KCNN3: variants seen among roughly 807,000 people sequenced by gnomAD.
KCNN3 encodes the protein small conductance calcium-activated potassium channel protein 3.
In KCNN3, 16 loss-of-function variants were observed where a neutral mutation model predicts 62.9. That is an observed-to-expected ratio of 0.25 (90% CI 0.17 to 0.39). The LOEUF (loss-of-function observed/expected upper bound fraction) is 0.39. Ranked by LOEUF, KCNN3 falls within the 10% of genes least tolerant of loss-of-function variation. KCNN3 has a pLI of 1.00. For synonymous variants in KCNN3, 370 were observed against 389.2 expected, an observed-to-expected ratio of 0.95 and a Z score of 0.58; for missense variants, 599 against 949.4, an observed-to-expected ratio of 0.63 and a Z score of 4.85.
intron 4 of KCNN3, among the ~76,000 whole-genome samples, chr1:154,731,827 C>T (rs946186232): frequency 1.3e-5 from 2 of 152,104 alleles, no homozygotes; most frequent in African/African-American, 2.4e-5. Flanking sequence ...CTTCTCACCC[C>T]GCCACCTCCC....
At chr1:154,825,489 C>T (rs1557994875) in intron 1 of KCNN3, among the ~76,000 whole-genome samples, 1 of 151,204 alleles carries the variant, frequency 6.6e-6, no homozygotes, top group Non-Finnish European at 1.5e-5. Context: ...CCTCAGTCTC[C>T]CCAGCAGCTG....
chr1:154,774,996 A>G lies in KCNN3; in HGVS notation c.1030-2603T>C, dbSNP rs796200869. The stretch of plus-strand genomic sequence containing the variant: ...ACCCTCAGCACAGAAAGCGTAACAG[A>G]GAGACTGGATCAGCGTGGATTTGCG... On this transcript the variant is annotated intron_variant, in intron 2 of 7. Transcript: ENST00000271915. Among the ~76,000 whole-genome samples, 11 of 152,402 alleles carry G rather than the reference A, an allele frequency of 7.2e-5. 2 individuals carry two copies. The highest frequency in any genetic ancestry group is 2.6e-4 in the African/African-American group (11 of 41,602).
intron 2 of KCNN3, among the ~76,000 whole-genome samples, chr1:154,791,137 G>T (rs113920303): frequency 0.23 from 34,014 of 150,288 alleles, 4,778 homozygotes; most frequent in Middle Eastern, 0.32. Context: ...GCTGAGGCAG[G>T]AGAATCACTT....
chr1:154,853,204 G>C (rs533732538), intron 1 of KCNN3, among the ~76,000 whole-genome samples: 2 of 151,916 alleles, frequency 1.3e-5, no homozygotes, highest in Non-Finnish European at 2.9e-5. Context: ...GTCCTGGCTG[G>C]TCTCAAACTC....
chr1:154,847,805 C>T (rs1187997636), intron 1 of KCNN3, among the ~76,000 whole-genome samples: 3 of 152,190 alleles, frequency 2.0e-5, no homozygotes, highest in Non-Finnish European at 2.9e-5. Context: ...ATGACACCTG[C>T]GTAATTACAC....
intron 5 of KCNN3, among the ~76,000 whole-genome samples, chr1:154,724,061 C>T (rs1376079993): frequency 6.6e-6 from 1 of 152,218 alleles, no homozygotes. Context: ...AGTACAAACA[C>T]TTGAATGTCA....
intron 2 of KCNN3, among the ~76,000 whole-genome samples, chr1:154,798,496 C>A (rs1377563514): frequency 6.6e-6 from 1 of 152,256 alleles, no homozygotes; most frequent in Non-Finnish European, 1.5e-5. Flanking sequence ...GGCCTCTTAT[C>A]TCTGACTATT....
chr1:154,732,955 T>C, intron 4 of KCNN3, 48 bp downstream of exon 4: 1 of 1,611,362 alleles, frequency 6.2e-7, no homozygotes, highest in Non-Finnish European at 8.5e-7. Flanking sequence ...AGAGTTCAGC[T>C]CTTTGCCACA....
rs141639267 is a variant in KCNN3, at chr1:154,861,456, C to T, written c.933+7576G>A. ...GAGACAGTCTCCTCTTTCCTCCCTA[C>T]ATGCCCCTGTGTGCACCACACGGCA... On this transcript the variant is annotated intron_variant, in intron 1 of 7. Coordinates refer to ENST00000271915, the MANE Select transcript of KCNN3 (RefSeq NM_002249.6). 2.9e-4 allele frequency among the ~76,000 whole-genome samples: 44 copies of T among 152,318 alleles called. 1 individual carries two copies. The East Asian group carries it at 8.3e-3, about 29-fold the overall frequency.
rs1039429811 is a variant in KCNN3 at position 154,737,211 on chromosome 1, G to T, written c.1449-4067C>A. On this transcript the variant is annotated intron_variant, in intron 3 of 7. Coordinates refer to ENST00000271915, the MANE Select transcript of KCNN3 (RefSeq NM_002249.6). ...ATTTTTTGCAATAGAAAATTTGGGGGGGGGGGATAGCTCCATGTTTTTCTT... is the reference window on the plus strand; with the variant it reads ...ATTTTTTGCAATAGAAAATTTGGGGTGGGGGGATAGCTCCATGTTTTTCTT... 1.2e-4 allele frequency: 35 copies of T among 293,220 alleles called. 5 individuals are homozygous for T. Among genetic ancestry groups the T allele is most frequent in the East Asian group, 2.5e-4 (3 of 11,826 alleles). 18.2% of individuals were successfully genotyped at this position (293,220 alleles called of 1,614,324 possible). A position where few individuals can be genotyped will look rare whatever the true frequency, so the allele number is the denominator to read the frequency against.
intron 2 of KCNN3, among the ~76,000 whole-genome samples, chr1:154,775,884 A>G (rs1044968285): frequency 1.3e-5 from 2 of 152,202 alleles, no homozygotes; most frequent in Admixed American, 6.5e-5. Flanking sequence ...TTCAAATACA[A>G]AATTAAAACC....
Position 154,776,217 on chromosome 1 carries a change from C to T in KCNN3, c.1030-3824G>A, listed in dbSNP as rs1648784954. 2.0e-5 allele frequency among the ~76,000 whole-genome samples: 3 copies of T among 152,214 alleles called. No homozygotes were observed. In the South Asian group the frequency reaches 6.2e-4, roughly 31 times the overall value. On this transcript the variant is annotated intron_variant, in intron 2 of 7. Transcript: ENST00000271915. ...CAGGTATTAGCCATGTGATCTCAGG[C>T]CGTGCGTGACTTCTCCGAGCTTGTT...
intron 3 of KCNN3, among the ~76,000 whole-genome samples, chr1:154,755,254 G>A (rs1356960240): frequency 6.6e-6 from 1 of 151,894 alleles, no homozygotes; most frequent in African/African-American, 2.4e-5. Context: ...AGTATTGCTT[G>A]AGGCTGGGAG....
At chr1:154,842,890 G>A (rs883905) in intron 1 of KCNN3, among the ~76,000 whole-genome samples, 77,813 of 151,968 alleles carry the variant, frequency 0.51, 21,607 homozygotes, top group East Asian at 0.91. Flanking sequence ...GCCCCACTTT[G>A]CCACTTCCTC....
In KCNN3 at chr1:154,772,401, G is replaced by A. The variant is rs1203369792; in HGVS notation, c.1030-8C>T. The A allele has an allele frequency of 6.2e-7, 1 of 1,613,826 alleles. No individual in the cohort carries two copies. Among genetic ancestry groups the A allele is most frequent in the Non-Finnish European group, 8.5e-7 (1 of 1,179,932 alleles). ...ATTGTCGATCACGAAGAGCTGGTGG[G>A]AGCAGAAAGTCCATTAGTGTGGCCA... On this transcript the variant is annotated splice_region_variant and splice_polypyrimidine_tract_variant and intron_variant, in intron 2 of 7. Coordinates refer to ENST00000271915, the MANE Select transcript of KCNN3 (RefSeq NM_002249.6). This position sits in a 1 kb window ranked among gnomAD's most constrained non-coding sequence, Gnocchi z 5.6.
At chr1:154,747,449 C>G (rs1040465290) in intron 3 of KCNN3, among the ~76,000 whole-genome samples, 1 of 152,172 alleles carries the variant, frequency 6.6e-6, no homozygotes, top group East Asian at 1.9e-4. Flanking sequence ...GGCAGACAAA[C>G]AGTCTCTCTG....
rs530089689 is a variant in KCNN3, at chr1:154,824,329, G to A, written c.934-2145C>T. Among the ~76,000 whole-genome samples, 19 of 152,286 alleles carry A rather than the reference G, an allele frequency of 1.2e-4. No homozygotes were observed. In the South Asian group the frequency reaches 3.1e-3, roughly 25 times the overall value. ...ATCATTTACTCAGCACACATGTATG[G>A]GGGCCTAAGGAGGGCTGGTGCTGTT... On this transcript the variant is annotated intron_variant, in intron 1 of 7. Transcript: ENST00000271915.
rs541770966 is a variant in KCNN3, at chr1:154,843,925, AG to A, written c.934-21742del. On this transcript the variant is annotated intron_variant, in intron 1 of 7. Transcript: ENST00000271915. ...TTTAATGAAGCCAGTTCTACACAAG[AG>A]TCCAGCACAGGGTGCGGTGCCCCTG... Among the ~76,000 whole-genome samples the A allele has an allele frequency of 3.2e-3, 488 of 152,320 alleles. 3 individuals carry two copies. The highest frequency in any genetic ancestry group is 0.011 in the African/African-American group (457 of 41,568).
At chr1:154,815,254 G>A (rs1286857855) in intron 2 of KCNN3, among the ~76,000 whole-genome samples, 3 of 152,154 alleles carry the variant, frequency 2.0e-5, no homozygotes, top group Non-Finnish European at 4.4e-5. Context: ...GAAGGATGGG[G>A]ACTCTAGCCC....
Sources: allele counts gnomAD v4.1 joint callset (sites outside exome capture counted in the v4.1 genomes callset), GRCh38; gene constraint gnomAD v4.1.1; non-coding constraint Gnocchi (gnomAD v3.1); transcripts MANE v1.5; gene names NCBI Gene and HGNC (gene_info 2026-07-23, HGNC 2026-07-21).